The following LRRC37A2 variants were observed in gnomAD, a reference collection of about 807,000 sequenced individuals.
LRRC37A2 encodes leucine-rich repeat-containing protein 37A2.
LRRC37A2 carries 9 observed loss-of-function variants against 68.8 expected under a neutral mutation model. The ratio of observed to expected loss-of-function variants is 0.13; its 90% CI spans 0.08 to 0.23. The LOEUF is 0.23. LRRC37A2 is among the 10% of genes least tolerant of loss of function. LRRC37A2 has a pLI of 1.00. For missense variants in LRRC37A2, 168 were observed against 950.4 expected, an observed-to-expected ratio of 0.18 and a Z score of 10.82; for synonymous variants, 63 against 367.6, an observed-to-expected ratio of 0.17 and a Z score of 9.48.
At chr17:46,929,368 G>T in the LRRC37A2 span, 2 of 683,820 alleles carry the variant, frequency 2.9e-6, no homozygotes, top group Non-Finnish European at 5.4e-6. Context: ...ATGCCAAAAC[G>T]TGGGACCTAA....
At chr17:46,855,624 ATGT>A in the LRRC37A2 span, among the ~76,000 whole-genome samples, 1 of 152,202 alleles carries the variant, frequency 6.6e-6, no homozygotes, top group Non-Finnish European at 1.5e-5. Context: ...AACTTCTGTG[ATGT>A]TGTATAAATG....
the LRRC37A2 span, among the ~76,000 whole-genome samples, chr17:46,738,977 C>G: frequency 3.5e-5 from 5 of 144,602 alleles, no homozygotes; most frequent in Non-Finnish European, 6.1e-5. Context: ...GGCTCACACC[C>G]GTAATCCCAG....
the LRRC37A2 span, among the ~76,000 whole-genome samples, chr17:46,798,175 C>T: frequency 6.6e-6 from 1 of 152,168 alleles, no homozygotes; most frequent in Non-Finnish European, 1.5e-5. Context: ...GTGATCCTCC[C>T]GCCTCGGCCT....
At chr17:46,954,122 C>G in the LRRC37A2 span, among the ~76,000 whole-genome samples, 2 of 152,188 alleles carry the variant, frequency 1.3e-5, no homozygotes, top group Non-Finnish European at 2.9e-5. Context: ...TGCCTATGTC[C>G]TGAATGGTAT....
chr17:47,020,160 C>T, the LRRC37A2 span, among the ~76,000 whole-genome samples: 3 of 150,836 alleles, frequency 2.0e-5, 1 homozygote, highest in African/African-American at 7.4e-5. Context: ...GATTCCAGAG[C>T]CAGGCTGCCT....
At chr17:46,863,495 C>T in the LRRC37A2 span, among the ~76,000 whole-genome samples, 1 of 152,028 alleles carries the variant, frequency 6.6e-6, no homozygotes, top group South Asian at 2.1e-4. Context: ...ACTGATGGTA[C>T]TATATATACA....
At chr17:46,963,543 C>CAA in the LRRC37A2 span, among the ~76,000 whole-genome samples, 45 of 137,732 alleles carry the variant, frequency 3.3e-4, no homozygotes, top group African/African-American at 1.1e-3. Flanking sequence ...GGCTCGGTCT[C>CAA]AAAAAAAAAA....
At chr17:46,895,137 G>A in the LRRC37A2 span, among the ~76,000 whole-genome samples, 1 of 152,224 alleles carries the variant, frequency 6.6e-6, no homozygotes, top group African/African-American at 2.4e-5. Context: ...CCCAGCGCCC[G>A]GCTGAGAGGA....
chr17:46,438,450 G>T, the LRRC37A2 span, among the ~76,000 whole-genome samples: 1 of 47,416 alleles, frequency 2.1e-5, no homozygotes, highest in African/African-American at 6.6e-5. Context: ...GAAAGACATT[G>T]TTTAAATTTA....
the LRRC37A2 span, among the ~76,000 whole-genome samples, chr17:46,891,500 C>A: frequency 6.6e-6 from 1 of 152,184 alleles, no homozygotes; most frequent in Non-Finnish European, 1.5e-5. Context: ...TCTGCAACGT[C>A]CTCAGTTGGG....
chr17:46,938,956 C>T, the LRRC37A2 span: 23 of 1,473,784 alleles, frequency 1.6e-5, no homozygotes, highest in South Asian at 1.9e-4. Context: ...GCTAGTGCCA[C>T]CACCATGCGC....
chr17:46,502,130 G>A, the LRRC37A2 span, among the ~76,000 whole-genome samples: 1 of 151,158 alleles, frequency 6.6e-6, no homozygotes, highest in Non-Finnish European at 1.5e-5. Context: ...CACTTCATAA[G>A]CTTTAGATTT....
the LRRC37A2 span, among the ~76,000 whole-genome samples, chr17:46,731,244 A>G: frequency 6.6e-6 from 1 of 152,202 alleles, no homozygotes; most frequent in South Asian, 2.1e-4. Flanking sequence ...AAAAGACCAC[A>G]TATTGGATGA....
At chr17:47,028,634 C>G in the LRRC37A2 span, among the ~76,000 whole-genome samples, 1 of 152,072 alleles carries the variant, frequency 6.6e-6, no homozygotes, top group African/African-American at 2.4e-5. Context: ...TATTGCTGGG[C>G]GGGGTGGCTC....
the LRRC37A2 span, among the ~76,000 whole-genome samples, chr17:46,894,686 G>A: frequency 6.6e-6 from 1 of 152,160 alleles, no homozygotes; most frequent in Non-Finnish European, 1.5e-5. Context: ...CCGCCAGCCG[G>A]CCCCCCTCCT....
the LRRC37A2 span, among the ~76,000 whole-genome samples, chr17:46,733,534 G>A: frequency 3.3e-5 from 5 of 152,170 alleles, no homozygotes; most frequent in Non-Finnish European, 7.3e-5. Context: ...TAACAGGGTA[G>A]CCTCGTAATT....
At chr17:46,676,234 T>C in the LRRC37A2 span, among the ~76,000 whole-genome samples, 2 of 74,024 alleles carry the variant, frequency 2.7e-5, no homozygotes, top group Admixed American at 3.4e-4. Flanking sequence ...ATTCTTCTTC[T>C]TTTTTTTTTT....
the LRRC37A2 span, among the ~76,000 whole-genome samples, chr17:46,496,918 G>GA: frequency 3.8e-3 from 490 of 129,360 alleles, 3 homozygotes; most frequent in African/African-American, 5.0e-3. Context: ...CCATCTCGGG[G>GA]AAAAAAAAAA....
the LRRC37A2 span, among the ~76,000 whole-genome samples, chr17:46,873,571 C>G: frequency 1.4e-3 from 218 of 152,308 alleles, no homozygotes; most frequent in African/African-American, 5.1e-3. Flanking sequence ...TTAAATGGAA[C>G]TTCTAGCCTG....
Sources: allele counts gnomAD v4.1 joint callset (sites outside exome capture counted in the v4.1 genomes callset), GRCh38; gene constraint gnomAD v4.1.1; transcripts MANE v1.5; gene names NCBI Gene and HGNC (gene_info 2026-07-23, HGNC 2026-07-21).